The following CEP95 variants were observed in gnomAD, a reference collection of about 807,000 sequenced individuals.
CEP95 encodes the protein centrosomal protein 95.
In CEP95, 98 loss-of-function variants were observed where a neutral mutation model predicts 111.2. That is an observed-to-expected ratio of 0.88 (90% CI 0.75 to 1.04). The LOEUF is 1.04. CEP95 is among the 50% of genes least tolerant of loss of function. The pLI, the probability that CEP95 is intolerant of heterozygous loss-of-function variation, is 0.00. For synonymous variants in CEP95, 323 were observed against 327.1 expected (o/e 0.99, Z 0.14); for missense variants, 1,027 against 977.2 (o/e 1.05, Z -0.68).
chr17:64,516,927 C>T, intron 5 of CEP95, 99 bp downstream of exon 5: 1 of 647,098 alleles, frequency 1.5e-6, no homozygotes, highest in Non-Finnish European at 2.6e-6. Context: ...CCAAAAAAAG[C>T]TAATGTGAAA....
intron 8 of CEP95, among the ~76,000 whole-genome samples, chr17:64,523,408 T>C (rs936807727): frequency 1.3e-5 from 2 of 152,204 alleles, no homozygotes; most frequent in East Asian, 1.9e-4. Flanking sequence ...TAATTTCAAA[T>C]TTAGAAAACA....
At chr17:64,520,110 C>T (rs1241065851) in intron 6 of CEP95, among the ~76,000 whole-genome samples, 1 of 152,098 alleles carries the variant, frequency 6.6e-6, no homozygotes, top group Non-Finnish European at 1.5e-5. Context: ...AGTGTGGATA[C>T]TACAAAAATG....
chr17:64,508,043 A>G, intron 1 of CEP95: 5 of 985,338 alleles, frequency 5.1e-6, no homozygotes, highest in Non-Finnish European at 6.0e-6. Context: ...AAGAAAAACT[A>G]ACAAATGCAT....
chr17:64,537,091 C>T lies in CEP95; in HGVS notation c.2268C>T (p.Ala756=), dbSNP rs1968709865. The change falls in exon 19 of 20, where the codon GCC becomes GCT. Residue 756 remains alanine, a synonymous_variant. Coordinates refer to ENST00000556440, the MANE Select transcript of CEP95 (RefSeq NM_138363.3). ...AISQEHQELK[A]REKSQAQTLH... ...CACAGGAACATCAAGAACTTAAAGCCAGAGAGAAATCTCAGGCCCAGGTAA... is the reference window on the plus strand; with the variant it reads ...CACAGGAACATCAAGAACTTAAAGCTAGAGAGAAATCTCAGGCCCAGGTAA... The T allele has an allele frequency of 6.2e-7, 1 of 1,612,956 alleles. No individual in the cohort carries two copies. The highest frequency in any genetic ancestry group is 1.3e-5 in the African/African-American group (1 of 74,874).
rs374252937 is a variant in CEP95, at chr17:64,527,891, TACAC to T, written c.1306+640_1306+643del. 5.2e-3 allele frequency among the ~76,000 whole-genome samples: 735 copies of T among 141,560 alleles called. 5 individuals carry two copies. The highest frequency in any genetic ancestry group is 0.017 in the African/African-American group (646 of 38,020). 92.9% of individuals were successfully genotyped at this position (141,560 alleles called of 152,430 possible). On this transcript the variant is annotated intron_variant, in intron 11 of 19. Transcript: ENST00000556440. ...GTGTGTATATATATATATATATATA[TACAC>T]ACACACACACACGCGTGTAGCACTA...
chr17:64,532,114 C>T (rs1345266063), intron 14 of CEP95, 92 bp downstream of exon 14: 3 of 1,388,658 alleles, frequency 2.2e-6, no homozygotes, highest in Non-Finnish European at 2.8e-6. Context: ...AGCTAACATC[C>T]ACCAGTTAGC....
intron 13 of CEP95, among the ~76,000 whole-genome samples, chr17:64,531,318 C>T (rs1968264955): frequency 6.6e-6 from 1 of 152,116 alleles, no homozygotes; most frequent in African/African-American, 2.4e-5. Flanking sequence ...CTACTCTAGG[C>T]TGACAAAATT....
rs533078214 is a variant in CEP95, at chr17:64,537,875, T to C, written c.*96T>C. The C allele has an allele frequency of 1.7e-3, 962 of 576,808 alleles. 2 individuals carry two copies. The highest frequency in any genetic ancestry group is 2.3e-3 in the Non-Finnish European group (869 of 376,088). 35.7% of individuals were successfully genotyped at this position (576,808 alleles called of 1,614,324 possible). The stretch of plus-strand genomic sequence containing the variant: ...AAACAGTCTAAGCCAGAAAAATAAT[T>C]TTCAAATGCTTTACCTGTATTTTCA... On this transcript the variant is annotated 3_prime_UTR_variant, in exon 20 of 20. Coordinates refer to ENST00000556440, the MANE Select transcript of CEP95 (RefSeq NM_138363.3).
At position 64,507,282 on chromosome 17, in the gene CEP95, C is replaced by T. The variant is rs143784350; in HGVS notation, c.19+166C>T. Reference sequence around the variant, plus strand: ...GGATAGGGTCTCTCAGCTTCACCACCTCTTCGCTTCGAGGCCGTGGAACAG... The same window carrying T: ...GGATAGGGTCTCTCAGCTTCACCACTTCTTCGCTTCGAGGCCGTGGAACAG... On this transcript the variant is annotated intron_variant, in intron 1 of 19. Transcript: ENST00000556440. 7.3e-5 allele frequency: 108 copies of T among 1,473,706 alleles called. No homozygotes were observed. The African/African-American group carries it at 1.3e-3, about 18-fold the overall frequency. The allele number at this position is 1,473,706 out of a possible 1,614,324, so 91.3% of individuals were successfully genotyped here.
At chr17:64,532,726 G>A (rs993578735) in intron 14 of CEP95, 113 bp from the exon 15 acceptor site, 1 of 1,464,274 alleles carries the variant, frequency 6.8e-7, no homozygotes, top group African/African-American at 1.4e-5. Flanking sequence ...ATTTAGAATT[G>A]TTCTTTTCAG....
chr17:64,513,086 T>A (rs1011724280), intron 3 of CEP95, among the ~76,000 whole-genome samples: 2 of 152,210 alleles, frequency 1.3e-5, no homozygotes. Flanking sequence ...GCTCTTGGGA[T>A]ATACTTAGGT....
chr17:64,533,219 A>G, intron 16 of CEP95, 28 bp downstream of exon 16: 1 of 1,545,210 alleles, frequency 6.5e-7, no homozygotes, highest in Non-Finnish European at 8.8e-7. Context: ...TGGGTATTAT[A>G]ATTCTGAATT....
At chr17:64,526,844 C>T (rs1967857445) in intron 10 of CEP95, among the ~76,000 whole-genome samples, 1 of 152,114 alleles carries the variant, frequency 6.6e-6, no homozygotes, top group South Asian at 2.1e-4. Flanking sequence ...CCTGTAATCC[C>T]AGCTACTCAA....
At chr17:64,534,863 C>T in intron 17 of CEP95, 126 bp downstream of exon 17, 1 of 1,127,988 alleles carries the variant, frequency 8.9e-7, no homozygotes, top group African/African-American at 1.5e-5. Context: ...TCCTATAGTG[C>T]TGGCCCTGAG....
chr17:64,523,182 C>T (rs557245097), intron 8 of CEP95, among the ~76,000 whole-genome samples: 1 of 152,090 alleles, frequency 6.6e-6, no homozygotes, highest in Non-Finnish European at 1.5e-5. Context: ...TAATAAGAGC[C>T]AACACATAGT....
rs66540667 is a variant in CEP95 at position 64,510,156 on chromosome 17, A to ATT, written c.149-12_149-11dup. Reference sequence around the variant, plus strand: ...CCTCTCATGGATACAAAATTATGTGATTTTTTCCCCCCCCAGACCTCATAG... The same window carrying ATT: ...CCTCTCATGGATACAAAATTATGTGATTTTTTTTCCCCCCCCAGACCTCATAG... On this transcript the variant is annotated splice_polypyrimidine_tract_variant and intron_variant, in intron 2 of 19. Transcript: ENST00000556440. 15 of 1,491,524 alleles carry ATT rather than the reference A, an allele frequency of 1.0e-5. No homozygotes were observed. In the African/African-American group the frequency reaches 1.8e-4, roughly 18 times the overall value. The allele number at this position is 1,491,524 out of a possible 1,614,324, so 92.4% of individuals were successfully genotyped here.
intron 11 of CEP95, 69 bp downstream of exon 11, chr17:64,527,333 T>A: frequency 8.6e-7 from 1 of 1,162,934 alleles, no homozygotes; most frequent in Non-Finnish European, 1.2e-6. Context: ...CATCTGTTCT[T>A]AATAACTTAT....
chr17:64,523,523 C>T (rs1004147795), intron 8 of CEP95, among the ~76,000 whole-genome samples: 3 of 151,862 alleles, frequency 2.0e-5, no homozygotes, highest in Non-Finnish European at 2.9e-5. Flanking sequence ...GCCAAGATCA[C>T]GCCACTGCGC....
chr17:64,535,063 C>T (rs1968556979), intron 17 of CEP95: 4 of 334,262 alleles, frequency 1.2e-5, no homozygotes, highest in South Asian at 1.0e-4. Flanking sequence ...ATAACATGAC[C>T]TTGCATTCCA....
Sources: allele counts gnomAD v4.1 joint callset (sites outside exome capture counted in the v4.1 genomes callset), GRCh38; gene constraint gnomAD v4.1.1; transcripts MANE v1.5; gene names NCBI Gene and HGNC (gene_info 2026-07-23, HGNC 2026-07-21).